Variants in ATP10A observed in about 807,000 individuals in gnomAD.
ATP10A encodes the protein ATPase phospholipid transporting 10A (putative).
In ATP10A, 111 loss-of-function variants were observed where a neutral mutation model predicts 147.8. The observed-to-expected ratio is 0.75, with a 90% CI of 0.64 to 0.88. ATP10A has a LOEUF of 0.88. Ranked by LOEUF, ATP10A falls within the 40% of genes least tolerant of loss-of-function variation. The pLI is 0.00. For synonymous variants in ATP10A, 875 were observed against 841.6 expected, an observed-to-expected ratio of 1.04 and a Z score of -0.69; for missense variants, 1,927 against 1,959.0, an observed-to-expected ratio of 0.98 and a Z score of 0.31.
chr15:25,854,273 T>A (rs1893414831), intron 1 of ATP10A, among the ~76,000 whole-genome samples: 1 of 152,104 alleles, frequency 6.6e-6, no homozygotes, highest in Non-Finnish European at 1.5e-5. Flanking sequence ...CCTGGAACAG[T>A]GTGAGCAAAA....
intron 1 of ATP10A, among the ~76,000 whole-genome samples, chr15:25,781,651 T>C (rs1402345180): frequency 2.0e-5 from 3 of 148,656 alleles, no homozygotes; most frequent in Non-Finnish European, 4.5e-5. Flanking sequence ...TGATATTCCG[T>C]CTCAAAAAAA....
intron 2 of ATP10A, among the ~76,000 whole-genome samples, chr15:25,773,644 C>T (rs1889452942): frequency 6.6e-6 from 1 of 152,172 alleles, no homozygotes; most frequent in Non-Finnish European, 1.5e-5. Flanking sequence ...CAGGAGGGAA[C>T]ATTTATCCTC....
At position 25,694,916 on chromosome 15, in the gene ATP10A, C is replaced by T; in HGVS notation, c.2991G>A (p.Gln997=). The T allele has an allele frequency of 3.1e-6, 5 of 1,614,164 alleles. No homozygotes were observed. Among genetic ancestry groups the T allele is most frequent in the Non-Finnish European group, 4.2e-6 (5 of 1,180,040 alleles). Residue 997 remains glutamine (Q), a synonymous_variant, in exon 14 of 21, where the codon CAG becomes CAA. Transcript: ENST00000555815. The part of the protein sequence containing the change: ...LEDKFLFLAK[Q]CRSVLCCRST... Reference sequence around the variant, plus strand: ...ACCGACAGCAGAGGACGGAGCGGCACTGCTTGGCAAGGAAGAGGAATTTGT... The same window carrying T: ...ACCGACAGCAGAGGACGGAGCGGCATTGCTTGGCAAGGAAGAGGAATTTGT...
chr15:25,795,935 C>T (rs78793467), intron 1 of ATP10A, among the ~76,000 whole-genome samples: 3,156 of 152,180 alleles, frequency 0.021, 53 homozygotes, highest in South Asian at 0.043. Context: ...CCTGGCACCC[C>T]CCTCCTCACC....
intron 13 of ATP10A, among the ~76,000 whole-genome samples, chr15:25,697,158 C>G (rs4906747): frequency 0.1 from 15,581 of 152,218 alleles, 911 homozygotes; most frequent in South Asian, 0.24. Context: ...CATAACAAAG[C>G]CTTTGAGAGG....
chr15:25,703,723 T>A (rs1900805696), intron 12 of ATP10A, among the ~76,000 whole-genome samples: 1 of 152,210 alleles, frequency 6.6e-6, no homozygotes, highest in African/African-American at 2.4e-5. Flanking sequence ...CACATACCAG[T>A]GTCACCAGCC....
At chr15:25,794,088 C>T (rs1890553956) in intron 1 of ATP10A, among the ~76,000 whole-genome samples, 1 of 152,210 alleles carries the variant, frequency 6.6e-6, no homozygotes, top group Non-Finnish European at 1.5e-5. Flanking sequence ...GATGAAAAGG[C>T]TTCACTGATT....
chr15:25,690,231 CCTTT>C (rs1313828820), intron 15 of ATP10A, among the ~76,000 whole-genome samples: 1 of 80,980 alleles, frequency 1.2e-5, no homozygotes, highest in African/African-American at 3.7e-5. Context: ...AATTTTTTTT[CCTTT>C]TTTTTAAAAA....
chr15:25,752,591 A>G (rs914280219), intron 2 of ATP10A, among the ~76,000 whole-genome samples: 2 of 152,142 alleles, frequency 1.3e-5, no homozygotes, highest in Non-Finnish European at 2.9e-5. Flanking sequence ...TGGAGTCAAG[A>G]TATGTGAATC....
Position 25,721,850 on chromosome 15 carries a change from G to A in ATP10A, c.1170C>T (p.Tyr390=). The part of the protein sequence containing the change: ...SIEIVKACQV[Y]FINQDMQLYD... ...ACAACTGCATGTCCTGGTTAATGAA[G>A]TACACTTGGCATGCTTTAACAATTT... Residue 390 remains tyrosine, a synonymous_variant, in exon 7 of 21, where the codon TAC becomes TAT. Coordinates refer to ENST00000555815, the MANE Select transcript of ATP10A (RefSeq NM_024490.4). The A allele has an allele frequency of 8.7e-6, 14 of 1,614,150 alleles. No homozygotes were observed. Among genetic ancestry groups the A allele is most frequent in the Non-Finnish European group, 1.2e-5 (14 of 1,180,006 alleles).
chr15:25,714,971 C>T (rs1340791062), intron 9 of ATP10A, among the ~76,000 whole-genome samples: 1 of 56,810 alleles, frequency 1.8e-5, no homozygotes, highest in Non-Finnish European at 3.1e-5. Context: ...CATATACACA[C>T]ACACACACAC....
chr15:25,793,387 C>T (rs533321071), intron 1 of ATP10A, among the ~76,000 whole-genome samples: 2 of 152,320 alleles, frequency 1.3e-5, no homozygotes, highest in Admixed American at 6.5e-5. Context: ...GATATCGCCA[C>T]TTTCTTCATA....
At chr15:25,767,617 T>TG (rs2140651322) in intron 2 of ATP10A, among the ~76,000 whole-genome samples, 1 of 152,324 alleles carries the variant, frequency 6.6e-6, no homozygotes, top group African/African-American at 2.4e-5. Context: ...AGCACCCCAG[T>TG]GCCTGGCCCA....
intron 7 of ATP10A, among the ~76,000 whole-genome samples, chr15:25,720,136 T>G (rs930314394): frequency 6.6e-6 from 1 of 152,208 alleles, no homozygotes; most frequent in South Asian, 2.1e-4. Flanking sequence ...CCTGGGAGCC[T>G]AAGCTTCCAA....
chr15:25,702,757 T>C (rs1357813393), intron 12 of ATP10A, among the ~76,000 whole-genome samples: 1 of 152,040 alleles, frequency 6.6e-6, no homozygotes, highest in African/African-American at 2.4e-5. Context: ...CCTCAGATTT[T>C]TTTTTTTTTT....
chr15:25,812,055 G>A (rs973716834), intron 1 of ATP10A, among the ~76,000 whole-genome samples: 2 of 152,208 alleles, frequency 1.3e-5, no homozygotes, highest in African/African-American at 4.8e-5. Context: ...GCGCAAACAC[G>A]CTCCCCTAAA....
chr15:25,862,857 G>A lies in ATP10A; in HGVS notation c.240C>T (p.Phe80=). Residue 80 remains phenylalanine, a synonymous_variant, in exon 1 of 21, where the codon TTC becomes TTT. Coordinates refer to ENST00000555815, the MANE Select transcript of ATP10A (RefSeq NM_024490.4). ...CGTTGGCCGGGCGGTGGAACTGCTCGAACAGGTTCTTGGGCAGGAAGGACA... is the reference window on the plus strand; with the variant it reads ...CGTTGGCCGGGCGGTGGAACTGCTCAAACAGGTTCTTGGGCAGGAAGGACA... ...TLLSFLPKNL[F]EQFHRPANVY... is the part of the protein sequence containing the mutation. 2 of 1,610,808 alleles carry A rather than the reference G, an allele frequency of 1.2e-6. No homozygotes were observed. The highest frequency in any genetic ancestry group is 1.7e-6 in the Non-Finnish European group (2 of 1,178,680).
intron 1 of ATP10A, among the ~76,000 whole-genome samples, chr15:25,854,526 A>T (rs971290818): frequency 3.9e-5 from 6 of 152,244 alleles, no homozygotes; most frequent in Admixed American, 3.9e-4. Flanking sequence ...AGTGCATATG[A>T]CAACAAATTA....
intron 10 of ATP10A, chr15:25,709,671 A>G (rs1014288875): frequency 5.3e-5 from 8 of 152,332 alleles, no homozygotes; most frequent in Admixed American, 2.6e-4. Flanking sequence ...GGCCATCTGC[A>G]CAGAGCCTAG....
Sources: allele counts gnomAD v4.1 joint callset (sites outside exome capture counted in the v4.1 genomes callset), GRCh38; gene constraint gnomAD v4.1.1; transcripts MANE v1.5; gene names NCBI Gene and HGNC (gene_info 2026-07-23, HGNC 2026-07-21).